DOCK4: variants seen among roughly 807,000 people sequenced by gnomAD.
The protein encoded by DOCK4 is dedicator of cytokinesis 4, also known as dedicator of cytokinesis protein 4.
In DOCK4, 97 loss-of-function variants were observed where a neutral mutation model predicts 268.1. That is an observed-to-expected ratio of 0.36 (90% CI 0.31 to 0.43). DOCK4 has a LOEUF of 0.43. Among genes scored for constraint, DOCK4 ranks in the 20% least tolerant of loss-of-function variants. The pLI is 1.00. For missense variants in DOCK4, 2,145 were observed against 2,455.7 expected, an observed-to-expected ratio of 0.87 and a Z score of 2.67; for synonymous variants, 954 against 887.2, an observed-to-expected ratio of 1.08 and a Z score of -1.34.
intron 36 of DOCK4, among the ~76,000 whole-genome samples, chr7:111,778,007 A>T (rs1342162856): frequency 6.6e-6 from 1 of 152,236 alleles, no homozygotes; most frequent in Non-Finnish European, 1.5e-5. Flanking sequence ...CCTAACTATA[A>T]GCAGACTGTA....
At chr7:112,116,957 A>C (rs901242601) in intron 1 of DOCK4, among the ~76,000 whole-genome samples, 5 of 152,330 alleles carry the variant, frequency 3.3e-5, no homozygotes, top group African/African-American at 1.2e-4. Context: ...AATTGATTTT[A>C]AAAGGGAACA....
chr7:112,160,868 G>C (rs1388076255), intron 1 of DOCK4, among the ~76,000 whole-genome samples: 14 of 152,196 alleles, frequency 9.2e-5, no homozygotes. Flanking sequence ...TGAAGGCTGA[G>C]CAAATATTTT....
intron 1 of DOCK4, among the ~76,000 whole-genome samples, chr7:112,009,739 T>C (rs1322628737): frequency 2.6e-5 from 4 of 152,222 alleles, no homozygotes; most frequent in Non-Finnish European, 5.9e-5. Flanking sequence ...AGGGGTAGAA[T>C]TTCTGAAGAA....
chr7:111,998,350 C>T (rs1800136642), intron 4 of DOCK4, 98 bp downstream of exon 4: 2 of 923,382 alleles, frequency 2.2e-6, no homozygotes, highest in Admixed American at 2.9e-5. Flanking sequence ...TGATCTTCTA[C>T]AGTTCATTTT....
chr7:111,953,111 C>T (rs1179595916), intron 8 of DOCK4, among the ~76,000 whole-genome samples: 1 of 151,398 alleles, frequency 6.6e-6, no homozygotes, highest in African/African-American at 2.4e-5. Context: ...CCTGTGATCC[C>T]AAGTACTCAG....
At chr7:112,139,452 T>A (rs1300565838) in intron 1 of DOCK4, among the ~76,000 whole-genome samples, 2 of 152,220 alleles carry the variant, frequency 1.3e-5, no homozygotes, top group African/African-American at 2.4e-5. Context: ...CATAAATAGT[T>A]ATTTTTTAAA....
chr7:112,128,518 C>G (rs988099412), intron 1 of DOCK4, among the ~76,000 whole-genome samples: 1 of 152,166 alleles, frequency 6.6e-6, no homozygotes, highest in Non-Finnish European at 1.5e-5. Context: ...GGATGGTTGC[C>G]GTGTCTGTGT....
At chr7:111,890,644 T>A (rs1273444422) in intron 16 of DOCK4, among the ~76,000 whole-genome samples, 1 of 152,098 alleles carries the variant, frequency 6.6e-6, no homozygotes. Context: ...AAAAGGTGAG[T>A]CCAGGTCCTT....
chr7:111,736,500 G>C (rs1325512057), intron 50 of DOCK4, among the ~76,000 whole-genome samples: 1 of 152,168 alleles, frequency 6.6e-6, no homozygotes, highest in African/African-American at 2.4e-5. Context: ...CCGTATCTGA[G>C]TCACAACAAA....
At chr7:111,969,173 C>A (rs1797485141) in intron 8 of DOCK4, among the ~76,000 whole-genome samples, 1 of 136,760 alleles carries the variant, frequency 7.3e-6, no homozygotes, top group African/African-American at 2.9e-5. Flanking sequence ...AACTAACCTG[C>A]ACAATGTGCA....
chr7:111,870,068 G>C (rs970040031), intron 20 of DOCK4, among the ~76,000 whole-genome samples: 4 of 152,094 alleles, frequency 2.6e-5, no homozygotes, highest in African/African-American at 9.7e-5. Context: ...GGCAAAACGG[G>C]GTGGGAAGGA....
chr7:112,157,532 T>C (rs1187964204), intron 1 of DOCK4, among the ~76,000 whole-genome samples: 1 of 152,212 alleles, frequency 6.6e-6, no homozygotes, highest in African/African-American at 2.4e-5. Context: ...GGTCAAATAA[T>C]TTTTATAATA....
intron 35 of DOCK4, among the ~76,000 whole-genome samples, chr7:111,782,657 CA>C (rs1296192561): frequency 6.6e-6 from 1 of 152,160 alleles, no homozygotes; most frequent in Non-Finnish European, 1.5e-5. Context: ...GCAGGGGATG[CA>C]CCTTGTAATG....
intron 1 of DOCK4, among the ~76,000 whole-genome samples, chr7:112,046,866 GAA>G (rs1804870672): frequency 6.6e-6 from 1 of 152,164 alleles, no homozygotes; most frequent in South Asian, 2.1e-4. Flanking sequence ...TGAGCTGAGA[GAA>G]AAAGAGTTGG....
chr7:111,943,735 T>C (rs1000830329), intron 10 of DOCK4, among the ~76,000 whole-genome samples: 1 of 152,230 alleles, frequency 6.6e-6, no homozygotes, highest in Admixed American at 6.5e-5. Context: ...ATTTTTTATT[T>C]CTACTGTCCT....
Position 111,984,173 on chromosome 7 carries a change from C to T in DOCK4, c.549+133G>A, listed in dbSNP as rs987792152. On this transcript the variant is annotated intron_variant, in intron 7 of 52. Coordinates refer to ENST00000428084, the MANE Select transcript of DOCK4 (RefSeq NM_001363540.2). The stretch of plus-strand genomic sequence containing the variant: ...TGTACTGAGGGCATGGTCACCTCAG[C>T]TCTCAAGTCTTTTTACTCTCTCTAA... 2.0e-5 allele frequency: 15 copies of T among 751,374 alleles called. No homozygotes were observed. In the African/African-American group the frequency reaches 2.5e-4, roughly 12 times the overall value. 46.5% of individuals were successfully genotyped at this position (751,374 alleles called of 1,614,324 possible). A position where few individuals can be genotyped will look rare whatever the true frequency, so the allele number is the denominator to read the frequency against.
intron 1 of DOCK4, among the ~76,000 whole-genome samples, chr7:112,126,866 T>C (rs1027723133): frequency 2.0e-5 from 3 of 152,010 alleles, no homozygotes; most frequent in Admixed American, 6.6e-5. Flanking sequence ...TGAGATACCA[T>C]CTCACACCAG....
At chr7:111,934,436 A>G (rs907047169) in intron 12 of DOCK4, among the ~76,000 whole-genome samples, 11 of 151,702 alleles carry the variant, frequency 7.3e-5, no homozygotes, top group Non-Finnish European at 1.5e-4. Context: ...TTTTTAGCCA[A>G]CTTCAATGTG....
intron 1 of DOCK4, among the ~76,000 whole-genome samples, chr7:112,182,138 T>C (rs1386281293): frequency 6.6e-6 from 1 of 152,212 alleles, no homozygotes; most frequent in Non-Finnish European, 1.5e-5. Flanking sequence ...CCTCAGTTTC[T>C]TGAGCTGAAA....
Sources: allele counts gnomAD v4.1 joint callset (sites outside exome capture counted in the v4.1 genomes callset), GRCh38; gene constraint gnomAD v4.1.1; transcripts MANE v1.5; gene names NCBI Gene and HGNC (gene_info 2026-07-23, HGNC 2026-07-21).